Variants in SGCZ observed in about 807,000 individuals in gnomAD.
The protein encoded by SGCZ is sarcoglycan zeta.
In SGCZ, 40 loss-of-function variants were observed where a neutral mutation model predicts 41.3. That is an observed-to-expected ratio of 0.97 (90% CI 0.75 to 1.26). The LOEUF (loss-of-function observed/expected upper bound fraction) is 1.26. Among genes scored for constraint, SGCZ ranks in the 50% most tolerant of loss-of-function variants. SGCZ has a pLI of 0.00. For synonymous variants in SGCZ, 206 were observed against 137.5 expected (o/e 1.50, Z -3.49); for missense variants, 552 against 369.8 (o/e 1.49, Z -4.04).
intron 1 of SGCZ, among the ~76,000 whole-genome samples, chr8:15,201,103 G>A (rs571130171): frequency 3.0e-4 from 45 of 152,236 alleles, no homozygotes; most frequent in Admixed American, 6.5e-4. Flanking sequence ...TGCAACCTCC[G>A]CCTCCCAGGT....
intron 1 of SGCZ, among the ~76,000 whole-genome samples, chr8:14,640,286 C>T (rs1004301990): frequency 2.6e-5 from 4 of 151,608 alleles, no homozygotes; most frequent in Non-Finnish European, 4.4e-5. Flanking sequence ...GTATCTTTGC[C>T]TTTGTTCTTA....
chr8:14,238,795 T>C (rs562776761), intron 3 of SGCZ, among the ~76,000 whole-genome samples: 6 of 152,202 alleles, frequency 3.9e-5, no homozygotes, highest in African/African-American at 1.4e-4. Flanking sequence ...CTTGCCCTCT[T>C]GGTGCTTGCA....
chr8:15,053,756 T>C (rs908701869), intron 1 of SGCZ, among the ~76,000 whole-genome samples: 1 of 152,176 alleles, frequency 6.6e-6, no homozygotes, highest in Non-Finnish European at 1.5e-5. Context: ...GTCAATGATA[T>C]TTACCTGGAT....
In SGCZ at chr8:15,149,711, CAA is replaced by C. The variant is rs750167614; in HGVS notation, c.39+87872_39+87873del. On this transcript the variant is annotated intron_variant, in intron 1 of 7. Coordinates refer to ENST00000382080, the MANE Select transcript of SGCZ (RefSeq NM_139167.4). ...CGACTGCTGGTATAACTATAAACTACAAAAAAAAAAAAAAAAAAAAAGCCTTC... is the reference window on the plus strand; with the variant it reads ...CGACTGCTGGTATAACTATAAACTACAAAAAAAAAAAAAAAAAAAGCCTTC... Among the ~76,000 whole-genome samples, 251 of 57,242 alleles carry C rather than the reference CAA, an allele frequency of 4.4e-3. 1 individual carries two copies. The highest frequency in any genetic ancestry group is 0.01 in the African/African-American group (223 of 22,106). The allele number at this position is 57,242 out of a possible 152,430, so 37.6% of individuals were successfully genotyped here. A position where few individuals can be genotyped will look rare whatever the true frequency, so the allele number is the denominator to read the frequency against.
chr8:14,365,159 TC>T (rs1803654409), intron 2 of SGCZ, among the ~76,000 whole-genome samples: 1 of 152,054 alleles, frequency 6.6e-6, no homozygotes, highest in East Asian at 1.9e-4. Context: ...ACAGGGTACA[TC>T]CCTTTTTGAT....
intron 1 of SGCZ, among the ~76,000 whole-genome samples, chr8:15,066,071 G>A (rs1805128959): frequency 6.6e-6 from 1 of 152,018 alleles, no homozygotes; most frequent in South Asian, 2.1e-4. Context: ...CACTTTGGGA[G>A]GCCGAGGCGG....
At chr8:14,517,081 G>A (rs1279650129) in intron 2 of SGCZ, among the ~76,000 whole-genome samples, 1 of 152,066 alleles carries the variant, frequency 6.6e-6, no homozygotes, top group African/African-American at 2.4e-5. Flanking sequence ...CGTAATGCGT[G>A]ACGGAAACAG....
At chr8:14,795,739 T>A (rs1403526704) in intron 1 of SGCZ, among the ~76,000 whole-genome samples, 1 of 152,174 alleles carries the variant, frequency 6.6e-6, no homozygotes, top group Non-Finnish European at 1.5e-5. Context: ...ACTTGTCTCA[T>A]GGAGGTTTGT....
intron 1 of SGCZ, among the ~76,000 whole-genome samples, chr8:14,961,492 G>C (rs1030762426): frequency 1.1e-4 from 16 of 152,050 alleles, no homozygotes; most frequent in Admixed American, 6.6e-5. Context: ...GAGAGAGAGA[G>C]ATCCCATTCA....
chr8:14,564,504 C>A (rs1411334879), intron 1 of SGCZ, among the ~76,000 whole-genome samples: 1 of 152,106 alleles, frequency 6.6e-6, no homozygotes, highest in Non-Finnish European at 1.5e-5. Context: ...AGCTCAAATG[C>A]ATATTACATT....
intron 3 of SGCZ, 129 bp from the exon 4 acceptor site, chr8:14,237,808 A>C (rs1322412886): frequency 1.3e-5 from 9 of 700,810 alleles, no homozygotes; most frequent in Non-Finnish European, 2.1e-5. Context: ...CAGTTAATTT[A>C]ACGTCCCAAT....
intron 1 of SGCZ, among the ~76,000 whole-genome samples, chr8:15,208,397 T>C (rs1801137271): frequency 6.6e-6 from 1 of 152,256 alleles, no homozygotes; most frequent in African/African-American, 2.4e-5. Context: ...GACTCTTTTA[T>C]ATTTAATTAT....
At chr8:14,266,783 A>G (rs1329643936) in intron 3 of SGCZ, among the ~76,000 whole-genome samples, 1 of 152,108 alleles carries the variant, frequency 6.6e-6, no homozygotes, top group Non-Finnish European at 1.5e-5. Context: ...TAGATGAGGT[A>G]AAAACGAAGT....
intron 1 of SGCZ, among the ~76,000 whole-genome samples, chr8:14,737,611 A>G (rs2130264197): frequency 6.6e-6 from 1 of 152,156 alleles, no homozygotes; most frequent in East Asian, 1.9e-4. Flanking sequence ...AGATCAAGGT[A>G]TTGGCAGGAT....
Position 14,721,567 on chromosome 8 carries a change from C to T in SGCZ, c.40-166641G>A, listed in dbSNP as rs145285228. Among the ~76,000 whole-genome samples, 1,299 of 152,270 alleles carry T rather than the reference C, an allele frequency of 8.5e-3. 10 individuals are homozygous for T. The highest frequency in any genetic ancestry group is 0.024 in the Middle Eastern group (7 of 294). On this transcript the variant is annotated intron_variant, in intron 1 of 7. Transcript: ENST00000382080. ...CTGGCCTTTAAAGTATACACAGAAT[C>T]CGTCTACTTCTCACCACCTCTACCA...
chr8:14,396,003 A>G (rs1332280603), intron 2 of SGCZ, among the ~76,000 whole-genome samples: 1 of 152,190 alleles, frequency 6.6e-6, no homozygotes, highest in African/African-American at 2.4e-5. Context: ...TCCTCACTGT[A>G]TGTGCGTTTA....
intron 2 of SGCZ, among the ~76,000 whole-genome samples, chr8:14,550,558 G>T (rs984636388): frequency 1.3e-5 from 2 of 151,998 alleles, no homozygotes; most frequent in Non-Finnish European, 1.5e-5. Context: ...TATGTGTGGG[G>T]TCTAAATGCA....
chr8:14,244,284 C>A (rs959394648), intron 3 of SGCZ, among the ~76,000 whole-genome samples: 8 of 151,364 alleles, frequency 5.3e-5, no homozygotes, highest in African/African-American at 1.7e-4. Flanking sequence ...CATTCTTCTT[C>A]TTTTTCTTCC....
chr8:14,632,852 G>A (rs1429966525), intron 1 of SGCZ, among the ~76,000 whole-genome samples: 6 of 151,928 alleles, frequency 3.9e-5, no homozygotes, highest in Non-Finnish European at 1.5e-5. Context: ...AGAAATAAAT[G>A]AATGGATAAA....
Sources: gnomAD v4.1 joint callset for allele counts (sites outside exome capture counted in the v4.1 genomes callset) on GRCh38, gnomAD v4.1.1 for gene constraint, MANE v1.5 for transcripts, NCBI Gene and HGNC (gene_info 2026-07-23, HGNC 2026-07-21) for gene names.